SCN8A: variants seen among roughly 807,000 people sequenced by gnomAD.
The protein encoded by SCN8A is sodium channel protein type 8 subunit alpha.
A neutral mutation model predicts 184.1 loss-of-function variants in SCN8A; 30 were observed. That is an observed-to-expected ratio of 0.16 (90% CI 0.12 to 0.22). The LOEUF (loss-of-function observed/expected upper bound fraction) is 0.22, where lower values mean the gene tolerates loss of function less well. SCN8A is among the 10% of genes least tolerant of loss of function. The pLI, the probability that SCN8A is intolerant of heterozygous loss-of-function variation, is 1.00. For synonymous variants in SCN8A, 852 were observed against 907.0 expected, an observed-to-expected ratio of 0.94 and a Z score of 1.09; for missense variants, 1,057 against 2,498.9, an observed-to-expected ratio of 0.42 and a Z score of 12.30.
chr12:51,788,882 T>G (rs1938164218), intron 23 of SCN8A, 134 bp downstream of exon 23: 3 of 653,376 alleles, frequency 4.6e-6, no homozygotes, highest in Non-Finnish European at 5.0e-6. Context: ...GAACATTTAT[T>G]GCTTGTGTTA....
intron 12 of SCN8A, among the ~76,000 whole-genome samples, chr12:51,728,745 A>G (rs931005303): frequency 1.3e-5 from 2 of 151,462 alleles, no homozygotes; most frequent in Non-Finnish European, 2.9e-5. Context: ...AAAAAAAAAA[A>G]AAAAAAAATT....
intron 16 of SCN8A, 149 bp downstream of exon 16, chr12:51,766,176 C>T: frequency 1.4e-6 from 1 of 706,564 alleles, no homozygotes; most frequent in East Asian, 2.6e-5. Context: ...CCCTAAGGTA[C>T]AAATGAAGGA....
Position 51,806,706 on chromosome 12 carries a change from A to G in SCN8A, c.5220A>G (p.Ser1740=), listed in dbSNP as rs770554062. 4.3e-6 allele frequency: 7 copies of G among 1,614,000 alleles called. No homozygotes were observed. The African/African-American group carries it at 8.0e-5, about 18-fold the overall frequency. ...SGFKGDCGNP[S]VGIFFFVSYI... ...TTAAGGGAGATTGTGGGAACCCCTC[A>G]GTGGGCATCTTCTTCTTTGTAAGCT... is the stretch of plus-strand genomic sequence containing the variant. The change falls in exon 27 of 27, where the codon TCA becomes TCG. Residue 1740 remains serine (S), a synonymous_variant. Transcript: ENST00000627620. The surrounding 1 kb of genome is among the most constrained non-coding windows in gnomAD (Gnocchi z 8.7).
At chr12:51,792,750 T>G (rs1483457963) in intron 25 of SCN8A, among the ~76,000 whole-genome samples, 1 of 152,046 alleles carries the variant, frequency 6.6e-6, no homozygotes, top group East Asian at 1.9e-4. Flanking sequence ...TTGTTTTTTG[T>G]TTTATGTTTT....
At chr12:51,771,405 G>GGT (rs1433987475) in intron 19 of SCN8A, among the ~76,000 whole-genome samples, 1 of 151,962 alleles carries the variant, frequency 6.6e-6, no homozygotes, top group African/African-American at 2.4e-5. Context: ...CATTCATGTA[G>GGT]GTGTGGAATC....
chr12:51,777,351 C>T (rs1565921943), intron 20 of SCN8A, among the ~76,000 whole-genome samples: 1 of 152,136 alleles, frequency 6.6e-6, no homozygotes, highest in Non-Finnish European at 1.5e-5. Flanking sequence ...CCTCCAAGTC[C>T]TGGGCTCAAG....
intron 14 of SCN8A, among the ~76,000 whole-genome samples, chr12:51,753,166 G>T (rs1302703680): frequency 1.3e-5 from 2 of 152,102 alleles, no homozygotes; most frequent in East Asian, 3.8e-4. Flanking sequence ...AATAAGAGAA[G>T]GTCAACAGCT....
intron 26 of SCN8A, among the ~76,000 whole-genome samples, chr12:51,805,177 A>C (rs997960577): frequency 1.3e-5 from 2 of 152,204 alleles, no homozygotes; most frequent in African/African-American, 4.8e-5. Context: ...ACTACCACTC[A>C]ATTGTTAGAA....
intron 1 of SCN8A, among the ~76,000 whole-genome samples, chr12:51,592,902 C>T (rs1299054529): frequency 6.6e-6 from 1 of 151,952 alleles, no homozygotes; most frequent in South Asian, 2.1e-4. Flanking sequence ...TCTCTTTTCT[C>T]CACGTGCATT....
At chr12:51,798,670 G>A (rs59840131) in intron 26 of SCN8A, among the ~76,000 whole-genome samples, 6,392 of 152,266 alleles carry the variant, frequency 0.042, 403 homozygotes, top group African/African-American at 0.14. Context: ...TGACAGGGGT[G>A]CCTGGGGAAA....
rs7301577 is a variant in SCN8A, at chr12:51,807,619, C to G, written c.*190C>G. ...GTGACCTGCCAAGGGCAAAGGACCCCGCTCCCTAGACTTACAGATTTTCTA... is the reference window on the plus strand; with the variant it reads ...GTGACCTGCCAAGGGCAAAGGACCCGGCTCCCTAGACTTACAGATTTTCTA... On this transcript the variant is annotated 3_prime_UTR_variant, in exon 27 of 27. Coordinates refer to ENST00000627620, the MANE Select transcript of SCN8A (RefSeq NM_001330260.2). The surrounding 1 kb of genome is among the most constrained non-coding windows in gnomAD (Gnocchi z 4.5). 7 of 639,534 alleles carry G rather than the reference C, an allele frequency of 1.1e-5. No homozygotes were observed. The highest frequency in any genetic ancestry group is 1.9e-5 in the Non-Finnish European group (7 of 370,248). The allele number at this position is 639,534 out of a possible 1,614,324, so 39.6% of individuals were successfully genotyped here. A position where few individuals can be genotyped will look rare whatever the true frequency, so the allele number is the denominator to read the frequency against.
chr12:51,753,802 A>T (rs569126116), intron 14 of SCN8A, among the ~76,000 whole-genome samples: 7 of 152,294 alleles, frequency 4.6e-5, no homozygotes, highest in African/African-American at 1.7e-4. Context: ...AATCTTAGGA[A>T]CTGTGTTAGT....
intron 11 of SCN8A, among the ~76,000 whole-genome samples, chr12:51,721,081 T>TTA (rs58356368): frequency 0.015 from 1,268 of 86,758 alleles, 41 homozygotes; most frequent in South Asian, 0.059. Flanking sequence ...AAAAAAAAAA[T>TTA]TATATATATA....
intron 1 of SCN8A, among the ~76,000 whole-genome samples, chr12:51,662,552 C>G (rs1940944849): frequency 6.6e-6 from 1 of 152,130 alleles, no homozygotes; most frequent in Non-Finnish European, 1.5e-5. Context: ...TAATAAATAA[C>G]TAGCAATTCA....
At chr12:51,691,023 T>C (rs1941497128) in intron 6 of SCN8A, among the ~76,000 whole-genome samples, 1 of 152,186 alleles carries the variant, frequency 6.6e-6, no homozygotes, top group Admixed American at 6.5e-5. Flanking sequence ...CCAGACAGCC[T>C]CAGATAGCTC....
At chr12:51,740,003 T>TA (rs1359373132) in intron 12 of SCN8A, among the ~76,000 whole-genome samples, 1 of 152,220 alleles carries the variant, frequency 6.6e-6, no homozygotes, top group African/African-American at 2.4e-5. Flanking sequence ...AGGGCCGAAT[T>TA]AAAGGAGTAG....
chr12:51,638,364 CT>C (rs1940364937), intron 1 of SCN8A, among the ~76,000 whole-genome samples: 1 of 152,094 alleles, frequency 6.6e-6, no homozygotes, highest in African/African-American at 2.4e-5. Flanking sequence ...TCTGATGGAT[CT>C]GGGAAAAGTA....
At chr12:51,747,197 C>T (rs1482696133) in intron 13 of SCN8A, among the ~76,000 whole-genome samples, 1 of 150,544 alleles carries the variant, frequency 6.6e-6, no homozygotes, top group African/African-American at 2.5e-5. Context: ...GCTTACTTCC[C>T]CACATATGTG....
intron 11 of SCN8A, among the ~76,000 whole-genome samples, chr12:51,716,227 C>T (rs1941962461): frequency 1.3e-5 from 2 of 152,164 alleles, no homozygotes; most frequent in African/African-American, 4.8e-5. Context: ...GTGTGGCACA[C>T]ACCTGTAGTT....
Sources: allele counts gnomAD v4.1 joint callset (sites outside exome capture counted in the v4.1 genomes callset), GRCh38; gene constraint gnomAD v4.1.1; non-coding constraint Gnocchi (gnomAD v3.1); transcripts MANE v1.5; gene names NCBI Gene and HGNC (gene_info 2026-07-23, HGNC 2026-07-21).